Variants in CNTNAP2 observed in about 807,000 individuals in gnomAD.
The protein encoded by CNTNAP2 is contactin-associated protein-like 2.
Under a neutral mutation model 155.2 loss-of-function variants are expected in CNTNAP2, and 98 were observed. The observed-to-expected ratio is 0.63, with a 90% CI of 0.54 to 0.75. The LOEUF (loss-of-function observed/expected upper bound fraction) is 0.75. CNTNAP2 is among the 30% of genes least tolerant of loss of function. CNTNAP2 has a pLI of 0.00. For missense variants in CNTNAP2, 1,727 were observed against 1,688.1 expected (o/e 1.02, Z -0.40); for synonymous variants, 651 against 631.2 (o/e 1.03, Z -0.47).
chr7:146,413,262 A>G (rs1051085378), intron 1 of CNTNAP2, among the ~76,000 whole-genome samples: 1 of 152,164 alleles, frequency 6.6e-6, no homozygotes, highest in Non-Finnish European at 1.5e-5. Flanking sequence ...GAGGGTCTGC[A>G]TGTCGTGAGG....
intron 16 of CNTNAP2, among the ~76,000 whole-genome samples, chr7:148,124,139 G>T (rs984772199): frequency 6.6e-6 from 1 of 152,196 alleles, no homozygotes; most frequent in African/African-American, 2.4e-5. Flanking sequence ...CCATGGCTGT[G>T]GGCATGAGGT....
At chr7:147,475,431 G>C (rs1017202143) in intron 10 of CNTNAP2, among the ~76,000 whole-genome samples, 4 of 151,850 alleles carry the variant, frequency 2.6e-5, no homozygotes, top group African/African-American at 9.7e-5. Context: ...GAATGATGTT[G>C]AACATTTTCT....
At chr7:147,407,207 G>A (rs970895339) in intron 10 of CNTNAP2, among the ~76,000 whole-genome samples, 1 of 152,072 alleles carries the variant, frequency 6.6e-6, no homozygotes, top group Non-Finnish European at 1.5e-5. Flanking sequence ...AGTGGCTCAC[G>A]CCTGTGATCC....
intron 14 of CNTNAP2, among the ~76,000 whole-genome samples, chr7:147,966,026 A>G (rs1801203595): frequency 6.6e-6 from 1 of 152,110 alleles, no homozygotes; most frequent in Non-Finnish European, 1.5e-5. Flanking sequence ...TTTTGTATCC[A>G]CTAGGGGAGC....
chr7:147,923,478 A>G (rs1800322278), intron 14 of CNTNAP2, among the ~76,000 whole-genome samples: 1 of 152,148 alleles, frequency 6.6e-6, no homozygotes, highest in Non-Finnish European at 1.5e-5. Flanking sequence ...GGCCTGGAGC[A>G]GATTTTCCCC....
intron 1 of CNTNAP2, among the ~76,000 whole-genome samples, chr7:146,474,085 A>T (rs1796838425): frequency 2.6e-5 from 4 of 152,138 alleles, no homozygotes; most frequent in Admixed American, 2.6e-4. Context: ...ACTCTCCATG[A>T]TTGGGATAAA....
In CNTNAP2 at chr7:147,833,886, A is replaced by T. The variant is rs142862604; in HGVS notation, c.2099-69679A>T. 2.7e-3 allele frequency among the ~76,000 whole-genome samples: 412 copies of T among 152,304 alleles called. 2 individuals carry two copies. The highest frequency in any genetic ancestry group is 0.014 in the Middle Eastern group (4 of 294). On this transcript the variant is annotated intron_variant, in intron 13 of 23. Coordinates refer to ENST00000361727, the MANE Select transcript of CNTNAP2 (RefSeq NM_014141.6). ...GAATGGGGCTGAGTGTCACAGACAG[A>T]TATCTGGTACCCCAGCTGGGGAGCG...
chr7:146,282,285 G>A (rs548060226), intron 1 of CNTNAP2, among the ~76,000 whole-genome samples: 1 of 152,326 alleles, frequency 6.6e-6, no homozygotes, highest in African/African-American at 2.4e-5. Context: ...AAAGGCAAAG[G>A]AGAAATGTTT....
At chr7:147,867,381 T>A (rs1799250575) in intron 13 of CNTNAP2, among the ~76,000 whole-genome samples, 1 of 152,186 alleles carries the variant, frequency 6.6e-6, no homozygotes, top group Non-Finnish European at 1.5e-5. Context: ...GCCCTTAATA[T>A]TTTTTATTTC....
At chr7:146,931,287 CA>C (rs1796751099) in intron 3 of CNTNAP2, among the ~76,000 whole-genome samples, 1 of 152,106 alleles carries the variant, frequency 6.6e-6, no homozygotes, top group Non-Finnish European at 1.5e-5. Context: ...GAAACTCACT[CA>C]AAACCGCTCA....
chr7:147,353,665 C>A (rs937204486), intron 9 of CNTNAP2, among the ~76,000 whole-genome samples: 2 of 151,940 alleles, frequency 1.3e-5, no homozygotes, highest in Admixed American at 6.6e-5. Flanking sequence ...TATACCCAGT[C>A]ATGGGATTGC....
chr7:146,608,849 C>G (rs967227329), intron 1 of CNTNAP2, among the ~76,000 whole-genome samples: 1 of 152,044 alleles, frequency 6.6e-6, no homozygotes, highest in Non-Finnish European at 1.5e-5. Flanking sequence ...ATTTCACTGT[C>G]TCAGCAACAT....
At chr7:148,248,031 G>A (rs1796303081) in intron 20 of CNTNAP2, among the ~76,000 whole-genome samples, 1 of 152,026 alleles carries the variant, frequency 6.6e-6, no homozygotes, top group South Asian at 2.1e-4. Flanking sequence ...AGACTGATGA[G>A]TTTTGACAGA....
At chr7:146,234,824 C>A (rs151299073) in intron 1 of CNTNAP2, among the ~76,000 whole-genome samples, 161 of 152,314 alleles carry the variant, frequency 1.1e-3, no homozygotes, top group African/African-American at 3.8e-3. Context: ...CCAGGTAGCA[C>A]TGCCACATTC....
At chr7:147,021,041 A>T (rs1798809090) in intron 3 of CNTNAP2, among the ~76,000 whole-genome samples, 1 of 152,146 alleles carries the variant, frequency 6.6e-6, no homozygotes, top group African/African-American at 2.4e-5. Flanking sequence ...AAACGAGTAC[A>T]TGATTACATA....
chr7:146,753,464 T>C (rs1040572578), intron 1 of CNTNAP2, among the ~76,000 whole-genome samples: 11 of 152,042 alleles, frequency 7.2e-5, no homozygotes, highest in African/African-American at 2.7e-4. Context: ...TAACCAACTG[T>C]GTATGAAAGT....
intron 10 of CNTNAP2, among the ~76,000 whole-genome samples, chr7:147,401,918 G>A (rs1004888100): frequency 1.7e-4 from 26 of 151,416 alleles, no homozygotes; most frequent in Middle Eastern, 3.4e-3. Context: ...CAAGCAGTTC[G>A]TTATAGCAAC....
chr7:146,849,988 T>C (rs1317335211), intron 3 of CNTNAP2, among the ~76,000 whole-genome samples: 1 of 152,218 alleles, frequency 6.6e-6, no homozygotes, highest in Non-Finnish European at 1.5e-5. Context: ...GTTTCACTTA[T>C]GCATACTGTT....
intron 13 of CNTNAP2, among the ~76,000 whole-genome samples, chr7:147,804,871 C>T (rs78079764): frequency 0.19 from 29,366 of 151,798 alleles, 2,979 homozygotes; most frequent in Middle Eastern, 0.28. Context: ...AGTTTTTAAC[C>T]TCACCACCTC....
Sources: allele counts gnomAD v4.1 joint callset (sites outside exome capture counted in the v4.1 genomes callset), GRCh38; gene constraint gnomAD v4.1.1; transcripts MANE v1.5; gene names NCBI Gene and HGNC (gene_info 2026-07-23, HGNC 2026-07-21).